RASEF: variants seen among roughly 807,000 people sequenced by gnomAD.
RASEF encodes the protein RAS and EF-hand domain containing.
RASEF carries 68 observed loss-of-function variants against 90.1 expected under a neutral mutation model. The ratio of observed to expected loss-of-function variants is 0.75; its 90% CI spans 0.62 to 0.92. RASEF has a LOEUF of 0.92. RASEF is among the 40% of genes least tolerant of loss of function. The pLI, the probability that RASEF is intolerant of heterozygous loss-of-function variation, is 0.00. For synonymous variants in RASEF, 331 were observed against 345.2 expected (o/e 0.96, Z 0.46); for missense variants, 949 against 937.2 (o/e 1.01, Z -0.16).
the RASEF span, among the ~76,000 whole-genome samples, chr9:83,129,878 T>C: frequency 6.6e-6 from 1 of 152,214 alleles, no homozygotes; most frequent in Non-Finnish European, 1.5e-5. Flanking sequence ...AAAAGAAATA[T>C]GCAACACAAG....
chr9:83,060,416 T>C (rs1412068527), intron 1 of RASEF, among the ~76,000 whole-genome samples: 1 of 152,220 alleles, frequency 6.6e-6, no homozygotes, highest in Non-Finnish European at 1.5e-5. Flanking sequence ...TGTTCTTCGA[T>C]GAAGTTGCTG....
At chr9:83,145,051 T>A in the RASEF span, among the ~76,000 whole-genome samples, 4 of 152,176 alleles carry the variant, frequency 2.6e-5, no homozygotes, top group African/African-American at 9.7e-5. Context: ...TTAAAAAGTT[T>A]TTTAATTATC....
chr9:83,003,534 G>A (rs573086639), intron 9 of RASEF, among the ~76,000 whole-genome samples: 2 of 152,124 alleles, frequency 1.3e-5, no homozygotes, highest in South Asian at 4.2e-4. Flanking sequence ...TTTAAAAATC[G>A]ATTATTTCTC....
chr9:83,095,002 A>G, the RASEF span, among the ~76,000 whole-genome samples: 1 of 152,146 alleles, frequency 6.6e-6, no homozygotes, highest in South Asian at 2.1e-4. Flanking sequence ...TACTGCAGTA[A>G]TCTCCATTGG....
At chr9:83,076,382 A>C in the RASEF span, among the ~76,000 whole-genome samples, 1 of 152,070 alleles carries the variant, frequency 6.6e-6, no homozygotes, top group Admixed American at 6.5e-5. Flanking sequence ...TGATTTTGCA[A>C]GTCTTTAATA....
chr9:83,131,826 T>C, the RASEF span, among the ~76,000 whole-genome samples: 1 of 152,268 alleles, frequency 6.6e-6, no homozygotes, highest in East Asian at 1.9e-4. Context: ...AATCATCCCT[T>C]TGTGGCTTGC....
At chr9:83,085,819 G>C in the RASEF span, among the ~76,000 whole-genome samples, 1 of 152,076 alleles carries the variant, frequency 6.6e-6, no homozygotes, top group African/African-American at 2.4e-5. Flanking sequence ...CAGCTACTCG[G>C]TGGGCTAAGA....
the RASEF span, among the ~76,000 whole-genome samples, chr9:83,185,805 T>G: frequency 1.3e-5 from 2 of 152,108 alleles, no homozygotes; most frequent in African/African-American, 4.8e-5. Context: ...ACAGATGAAC[T>G]GCAAAGCCTC....
chr9:83,062,221 G>C (rs1363011421), intron 1 of RASEF, among the ~76,000 whole-genome samples: 2 of 152,216 alleles, frequency 1.3e-5, no homozygotes. Context: ...TCAGGATTCA[G>C]CACGTAAAAC....
intron 13 of RASEF, 60 bp downstream of exon 13, chr9:82,998,305 G>A: frequency 1.1e-6 from 1 of 925,630 alleles, no homozygotes; most frequent in Non-Finnish European, 1.7e-6. Flanking sequence ...ACATCAAGTG[G>A]CCTGCAAGGC....
intron 9 of RASEF, 50 bp downstream of exon 9, chr9:83,004,448 T>C (rs1462060843): frequency 8.7e-7 from 1 of 1,147,612 alleles, no homozygotes; most frequent in South Asian, 1.3e-5. Flanking sequence ...TTACTTTCCT[T>C]TTAACTGTGA....
At chr9:83,106,113 C>G in the RASEF span, among the ~76,000 whole-genome samples, 2 of 152,174 alleles carry the variant, frequency 1.3e-5, no homozygotes, top group African/African-American at 2.4e-5. Flanking sequence ...CTAGATCCAG[C>G]CTATTCCTCC....
intron 13 of RASEF, 27 bp downstream of exon 13, chr9:82,998,338 T>C (rs1828958781): frequency 1.3e-6 from 2 of 1,496,646 alleles, no homozygotes; most frequent in African/African-American, 2.8e-5. Context: ...ACCCAGGATA[T>C]CCCATAGCGC....
upstream of RASEF, among the ~76,000 whole-genome samples, chr9:83,063,387 C>A (rs145621677): frequency 4.6e-5 from 7 of 152,300 alleles, no homozygotes; most frequent in East Asian, 1.4e-3. Context: ...CGTGCTGGCG[C>A]GCGCGTCAGA....
intron 1 of RASEF, among the ~76,000 whole-genome samples, chr9:83,056,408 T>G (rs1830104748): frequency 6.6e-6 from 1 of 152,200 alleles, no homozygotes; most frequent in Non-Finnish European, 1.5e-5. Flanking sequence ...CATTTCCCTC[T>G]TCTGACTACA....
intron 9 of RASEF, among the ~76,000 whole-genome samples, chr9:83,002,185 ATAC>A (rs1388373453): frequency 2.0e-5 from 3 of 152,216 alleles, no homozygotes; most frequent in African/African-American, 7.2e-5. Context: ...AATGGGCACG[ATAC>A]ATAGGTCTTC....
chr9:83,014,144 T>C (rs926697430), intron 4 of RASEF, among the ~76,000 whole-genome samples: 7 of 152,244 alleles, frequency 4.6e-5, no homozygotes, highest in Non-Finnish European at 8.8e-5. Context: ...TGTTCAATTC[T>C]GTAATGTAAG....
chr9:83,041,876 C>A (rs903619387), intron 1 of RASEF, among the ~76,000 whole-genome samples: 5 of 152,280 alleles, frequency 3.3e-5, no homozygotes, highest in Middle Eastern at 3.4e-3. Flanking sequence ...AGCCACAGTT[C>A]ACTAAAAGAG....
chr9:83,000,398 T>C, intron 11 of RASEF, 35 bp downstream of exon 11: 1 of 1,611,820 alleles, frequency 6.2e-7, no homozygotes, highest in Non-Finnish European at 8.5e-7. Flanking sequence ...AAATAAGCAG[T>C]GTTCATGAAT....
Sources: allele counts gnomAD v4.1 joint callset (sites outside exome capture counted in the v4.1 genomes callset), GRCh38; gene constraint gnomAD v4.1.1; transcripts MANE v1.5; gene names NCBI Gene and HGNC (gene_info 2026-07-23, HGNC 2026-07-21).